Variants in FYN observed in about 807,000 individuals in gnomAD.
FYN encodes tyrosine-protein kinase Fyn.
In FYN, 10 loss-of-function variants were observed where a neutral mutation model predicts 70.2. That is an observed-to-expected ratio of 0.14 (90% CI 0.09 to 0.24). FYN has a LOEUF of 0.24. FYN is among the 10% of genes least tolerant of loss of function. The pLI is 1.00. For synonymous variants in FYN, 236 were observed against 248.6 expected (o/e 0.95, Z 0.48); for missense variants, 319 against 673.1 (o/e 0.47, Z 5.82).
At chr6:111,849,748 G>A (rs930123946) in intron 1 of FYN, among the ~76,000 whole-genome samples, 4 of 152,218 alleles carry the variant, frequency 2.6e-5, no homozygotes, top group African/African-American at 7.2e-5. Context: ...GCTATGCCTT[G>A]TCATTCCAAT....
intron 3 of FYN, among the ~76,000 whole-genome samples, chr6:111,746,882 A>G (rs541092613): frequency 3.8e-4 from 57 of 151,130 alleles, no homozygotes; most frequent in Non-Finnish European, 7.2e-4. Flanking sequence ...TGAGAGACAG[A>G]GAGAGAGAGA....
intron 3 of FYN, among the ~76,000 whole-genome samples, chr6:111,722,853 G>A (rs706903): frequency 0.39 from 59,110 of 151,884 alleles, 16,293 homozygotes; most frequent in African/African-American, 0.78. Context: ...TGATTTACAC[G>A]AAGGAAAGAA....
chr6:111,717,480 A>G (rs1414623873), intron 4 of FYN, among the ~76,000 whole-genome samples: 1 of 149,660 alleles, frequency 6.7e-6, no homozygotes, highest in Non-Finnish European at 1.5e-5. Flanking sequence ...TTTTCTTTTG[A>G]GATGGAGATT....
chr6:111,770,924 T>C (rs142058763), intron 3 of FYN, among the ~76,000 whole-genome samples: 1 of 152,286 alleles, frequency 6.6e-6, no homozygotes, highest in African/African-American at 2.4e-5. Context: ...AATTTCAGCA[T>C]GAGATTTGGT....
chr6:111,797,228 G>A (rs1453760017), intron 2 of FYN, among the ~76,000 whole-genome samples: 14 of 152,146 alleles, frequency 9.2e-5, no homozygotes, highest in Admixed American at 7.9e-4. Context: ...AAACTAGTAC[G>A]ATGGCTAAGC....
chr6:111,718,358 GT>G (rs1467960262), intron 4 of FYN, among the ~76,000 whole-genome samples: 2 of 152,324 alleles, frequency 1.3e-5, no homozygotes, highest in South Asian at 2.1e-4. Context: ...ACATTTGGGA[GT>G]ACTGTGTTTT....
intron 3 of FYN, among the ~76,000 whole-genome samples, chr6:111,772,683 C>G (rs1348931349): frequency 6.6e-6 from 1 of 152,170 alleles, no homozygotes; most frequent in Non-Finnish European, 1.5e-5. Flanking sequence ...AAGAGAAGAG[C>G]ATGCTAAACA....
chr6:111,762,428 G>A (rs1240531809), intron 3 of FYN, among the ~76,000 whole-genome samples: 1 of 152,136 alleles, frequency 6.6e-6, no homozygotes, highest in Non-Finnish European at 1.5e-5. Context: ...GGCCATGAAG[G>A]GAAGGTGGGG....
chr6:111,799,919 T>A (rs1183476193), intron 2 of FYN, among the ~76,000 whole-genome samples: 1 of 152,212 alleles, frequency 6.6e-6, no homozygotes, highest in African/African-American at 2.4e-5. Flanking sequence ...ACTGGTTAAA[T>A]ATGGACAAAC....
At chr6:111,735,131 C>T (rs1801652319) in intron 3 of FYN, among the ~76,000 whole-genome samples, 1 of 152,184 alleles carries the variant, frequency 6.6e-6, no homozygotes, top group South Asian at 2.1e-4. Flanking sequence ...ATGATACCCT[C>T]AAAGAACCGT....
intron 3 of FYN, among the ~76,000 whole-genome samples, chr6:111,757,872 G>C (rs1322245389): frequency 3.3e-5 from 5 of 152,124 alleles, no homozygotes; most frequent in Non-Finnish European, 5.9e-5. Flanking sequence ...GGCCTGGTCA[G>C]CTCATGTTTT....
intron 3 of FYN, among the ~76,000 whole-genome samples, chr6:111,724,009 T>C (rs1257157230): frequency 2.0e-5 from 3 of 152,202 alleles, no homozygotes; most frequent in Admixed American, 6.5e-5. Flanking sequence ...CCTGTGCCTG[T>C]GATCAAGGTG....
chr6:111,743,040 C>T (rs1802050915), intron 3 of FYN, among the ~76,000 whole-genome samples: 2 of 151,016 alleles, frequency 1.3e-5, no homozygotes, highest in East Asian at 1.9e-4. Context: ...GATCTCGGCT[C>T]GTTGCAACCT....
At chr6:111,755,709 G>A (rs541015258) in intron 3 of FYN, among the ~76,000 whole-genome samples, 49 of 152,224 alleles carry the variant, frequency 3.2e-4, no homozygotes, top group African/African-American at 9.1e-4. Context: ...TTAGAAATCC[G>A]TAACAAAATG....
At chr6:111,869,923 G>A (rs995929112) in intron 1 of FYN, among the ~76,000 whole-genome samples, 1 of 152,212 alleles carries the variant, frequency 6.6e-6, no homozygotes, top group Non-Finnish European at 1.5e-5. Flanking sequence ...TGCTTAGGAT[G>A]AAAAGATCTA....
intron 3 of FYN, among the ~76,000 whole-genome samples, chr6:111,747,698 T>C (rs1013726485): frequency 4.6e-5 from 7 of 152,254 alleles, no homozygotes; most frequent in African/African-American, 1.7e-4. Context: ...CTCTCAGCCC[T>C]GGGTGGAGCC....
chr6:111,672,363 C>T lies in FYN; in HGVS notation c.1405+2136G>A, dbSNP rs528010266. ...AGCCCACTGCAGACCAGCACTTGCT[C>T]ACAGCTCTCTCTGCAGGAGCCGCTG... On this transcript the variant is annotated intron_variant, in intron 13 of 13. Coordinates refer to ENST00000354650, the MANE Select transcript of FYN (RefSeq NM_002037.5). Among the ~76,000 whole-genome samples the T allele has an allele frequency of 5.3e-5, 8 of 152,360 alleles. No homozygotes were observed. In the South Asian group the frequency reaches 1.7e-3, roughly 32 times the overall value.
intron 2 of FYN, among the ~76,000 whole-genome samples, chr6:111,791,203 C>T (rs1209690898): frequency 6.6e-6 from 1 of 152,018 alleles, no homozygotes; most frequent in Non-Finnish European, 1.5e-5. Context: ...TGTGCAAGGC[C>T]AAACAGACCA....
chr6:111,699,572 G>A (rs369151232), intron 9 of FYN: 12 of 1,614,154 alleles, frequency 7.4e-6, no homozygotes, highest in African/African-American at 1.3e-5. Context: ...CACAACGAAC[G>A]ACGTGCAACT....
Sources: allele counts gnomAD v4.1 joint callset (sites outside exome capture counted in the v4.1 genomes callset), GRCh38; gene constraint gnomAD v4.1.1; transcripts MANE v1.5; gene names NCBI Gene and HGNC (gene_info 2026-07-23, HGNC 2026-07-21).